UBE2H: variants seen among roughly 807,000 people sequenced by gnomAD.
UBE2H encodes the protein ubiquitin conjugating enzyme E2 H.
UBE2H carries 3 observed loss-of-function variants against 29.0 expected under a neutral mutation model. The observed-to-expected ratio is 0.10, with a 90% CI of 0.05 to 0.27. The LOEUF (loss-of-function observed/expected upper bound fraction) is 0.27. Ranked by LOEUF, UBE2H falls within the 10% of genes least tolerant of loss-of-function variation. The pLI, the probability that UBE2H is intolerant of heterozygous loss-of-function variation, is 1.00. For missense variants in UBE2H, 68 were observed against 228.2 expected (o/e 0.30, Z 4.52); for synonymous variants, 69 against 82.9 (o/e 0.83, Z 0.91).
chr7:129,850,777 T>C (rs1805593561), intron 5 of UBE2H, among the ~76,000 whole-genome samples: 1 of 145,056 alleles, frequency 6.9e-6, no homozygotes, highest in South Asian at 2.1e-4. Context: ...ATTGCGCCAC[T>C]GCACTCCAGC....
At chr7:129,839,368 A>C (rs1368832799) in intron 5 of UBE2H, 33 bp from the exon 6 acceptor site, 2 of 1,610,092 alleles carry the variant, frequency 1.2e-6, no homozygotes, top group South Asian at 2.2e-5. Flanking sequence ...CACACATGGG[A>C]AATGCAAGTT....
At chr7:129,910,197 C>T (rs1336947571) in intron 1 of UBE2H, among the ~76,000 whole-genome samples, 1 of 151,982 alleles carries the variant, frequency 6.6e-6, no homozygotes, top group Non-Finnish European at 1.5e-5. Flanking sequence ...AGTGTGGTGG[C>T]AGGCACCTGT....
chr7:129,850,823 A>G (rs548790804), intron 5 of UBE2H, among the ~76,000 whole-genome samples: 2 of 147,520 alleles, frequency 1.4e-5, no homozygotes, highest in Admixed American at 6.8e-5. Flanking sequence ...TCAAAAAAGA[A>G]AGAGAGAGAG....
intron 1 of UBE2H, among the ~76,000 whole-genome samples, chr7:129,894,110 G>A (rs1415176136): frequency 5.3e-5 from 8 of 152,292 alleles, no homozygotes; most frequent in African/African-American, 7.2e-5. Context: ...AGCTGAGATC[G>A]TGCCACTGCA....
chr7:129,833,492 A>C lies in UBE2H; in HGVS notation c.*1445T>G, dbSNP rs972085715. ...CTCCCCTCCGAGTTCAGCAGGCAACACTCAGATTTGAAAGAAACTCTGCAG... is the reference window on the plus strand; with the variant it reads ...CTCCCCTCCGAGTTCAGCAGGCAACCCTCAGATTTGAAAGAAACTCTGCAG... On this transcript the variant is annotated 3_prime_UTR_variant, in exon 7 of 7. Coordinates refer to ENST00000355621, the MANE Select transcript of UBE2H (RefSeq NM_003344.4). The C allele has an allele frequency of 6.6e-6, 1 of 152,168 alleles. No homozygotes were observed. Among genetic ancestry groups the C allele is most frequent in the African/African-American group, 2.4e-5 (1 of 41,436 alleles). 9.4% of individuals were successfully genotyped at this position (152,168 alleles called of 1,614,324 possible). A position where few individuals can be genotyped will look rare whatever the true frequency, so the allele number is the denominator to read the frequency against.
At chr7:129,881,327 T>C (rs1055656306) in intron 1 of UBE2H, among the ~76,000 whole-genome samples, 2 of 152,186 alleles carry the variant, frequency 1.3e-5, no homozygotes, top group African/African-American at 2.4e-5. Context: ...ACATGTAAAA[T>C]GTGTAAGACT....
chr7:129,895,724 C>T (rs1330222165), intron 1 of UBE2H, among the ~76,000 whole-genome samples: 1 of 151,986 alleles, frequency 6.6e-6, no homozygotes, highest in African/African-American at 2.4e-5. Flanking sequence ...CACAGTGAAA[C>T]CCCGTCTCTA....
chr7:129,845,370 G>A (rs561870041), intron 5 of UBE2H, among the ~76,000 whole-genome samples: 1 of 152,302 alleles, frequency 6.6e-6, no homozygotes, highest in African/African-American at 2.4e-5. Context: ...CCTGGCCCAT[G>A]ATCCCCTATC....
intron 1 of UBE2H, among the ~76,000 whole-genome samples, chr7:129,929,524 G>C (rs1288426182): frequency 6.6e-6 from 1 of 151,766 alleles, no homozygotes; most frequent in African/African-American, 2.4e-5. Flanking sequence ...ACCATTTTAA[G>C]ACATCTCAAT....
intron 5 of UBE2H, among the ~76,000 whole-genome samples, chr7:129,847,027 TA>T (rs772296132): frequency 8.9e-4 from 125 of 140,052 alleles, no homozygotes; most frequent in African/African-American, 1.3e-3. Flanking sequence ...TTATTATTAT[TA>T]TTATTTTTTG....
intron 3 of UBE2H, among the ~76,000 whole-genome samples, chr7:129,877,835 G>A (rs1161070403): frequency 6.6e-6 from 1 of 152,108 alleles, no homozygotes; most frequent in Admixed American, 6.5e-5. Context: ...TAAGGTCTGA[G>A]AAATAACATT....
chr7:129,872,679 T>TAAAAAACAC (rs1362714241), intron 3 of UBE2H, among the ~76,000 whole-genome samples: 1 of 151,312 alleles, frequency 6.6e-6, no homozygotes, highest in Non-Finnish European at 1.5e-5. Context: ...CCGTCTCTAC[T>TAAAAAACAC]AAAAAACACA....
Position 129,948,697 on chromosome 7 carries a change from C to G in UBE2H, c.53+3806G>C, listed in dbSNP as rs554638447. Among the ~76,000 whole-genome samples, 5 of 152,176 alleles carry G rather than the reference C, an allele frequency of 3.3e-5. No individual in the cohort carries two copies. The South Asian group carries it at 1.0e-3, about 32-fold the overall frequency. On this transcript the variant is annotated intron_variant, in intron 1 of 6. Coordinates refer to ENST00000355621, the MANE Select transcript of UBE2H (RefSeq NM_003344.4). ...AGGGGGGGATCCTATTACTGAACTC[C>G]CTCTGAAAAGAAGAATCATTGAAAA...
intron 5 of UBE2H, among the ~76,000 whole-genome samples, chr7:129,841,284 C>T (rs1415623820): frequency 6.6e-6 from 1 of 152,150 alleles, no homozygotes; most frequent in Non-Finnish European, 1.5e-5. Context: ...ACTACATATA[C>T]AAAAACAAGT....
intron 6 of UBE2H, among the ~76,000 whole-genome samples, chr7:129,838,321 T>TG (rs1805367643): frequency 6.6e-6 from 1 of 152,210 alleles, no homozygotes; most frequent in African/African-American, 2.4e-5. Flanking sequence ...GCCTCATACC[T>TG]GCACATTTCA....
chr7:129,893,342 G>A (rs1806539611), intron 1 of UBE2H, among the ~76,000 whole-genome samples: 1 of 152,028 alleles, frequency 6.6e-6, no homozygotes, highest in South Asian at 2.1e-4. Flanking sequence ...TATTCCTCCA[G>A]ACTTCCAAAT....
chr7:129,868,732 A>G (rs1405831440), intron 3 of UBE2H, among the ~76,000 whole-genome samples: 1 of 152,180 alleles, frequency 6.6e-6, no homozygotes, highest in Non-Finnish European at 1.5e-5. Flanking sequence ...ACTCTGGCTA[A>G]TAACAAGATG....
intron 1 of UBE2H, among the ~76,000 whole-genome samples, chr7:129,903,949 G>A (rs1343633908): frequency 6.6e-6 from 1 of 152,276 alleles, no homozygotes; most frequent in African/African-American, 2.4e-5. Flanking sequence ...GTTATTTTTT[G>A]AGTATTAACA....
chr7:129,900,093 G>A (rs1806679164), intron 1 of UBE2H, among the ~76,000 whole-genome samples: 1 of 150,582 alleles, frequency 6.6e-6, no homozygotes, highest in Non-Finnish European at 1.5e-5. Flanking sequence ...TCACATCACT[G>A]CACTCCAGCC....
Sources: gnomAD v4.1 joint callset for allele counts (sites outside exome capture counted in the v4.1 genomes callset) on GRCh38, gnomAD v4.1.1 for gene constraint, MANE v1.5 for transcripts, NCBI Gene and HGNC (gene_info 2026-07-23, HGNC 2026-07-21) for gene names.